Variants in MCHR2 observed in about 807,000 individuals in gnomAD.
MCHR2 encodes the protein melanin-concentrating hormone receptor 2.
Under a neutral mutation model 24.8 loss-of-function variants are expected in MCHR2, and 15 were observed. The observed-to-expected ratio is 0.60, with a 90% CI of 0.40 to 0.93. The LOEUF is 0.93. Ranked by LOEUF, MCHR2 falls within the 40% of genes least tolerant of loss-of-function variation. The probability of loss-of-function intolerance (pLI) is 0.00; values close to 1 mark genes in which losing one functional copy is unlikely to be tolerated. For missense variants in MCHR2, 386 were observed against 408.7 expected (o/e 0.94, Z 0.48); for synonymous variants, 151 against 147.6 (o/e 1.02, Z -0.17).
chr6:99,970,180 T>C (rs1382746614), intron 1 of MCHR2, among the ~76,000 whole-genome samples: 2 of 151,150 alleles, frequency 1.3e-5, no homozygotes. Flanking sequence ...CCACCAACAG[T>C]GTAAAAGTGT....
chr6:99,982,467 GAAAAAAAAAAAAAA>G (rs1196029682), intron 1 of MCHR2, among the ~76,000 whole-genome samples: 2 of 46,638 alleles, frequency 4.3e-5, no homozygotes, highest in African/African-American at 1.8e-4. Flanking sequence ...TGTCTGTACA[GAAAAAAAAAAAAAA>G]AAAAAAAAAA....
At chr6:99,937,782 G>A (rs1774693540) in intron 4 of MCHR2, among the ~76,000 whole-genome samples, 2 of 149,488 alleles carry the variant, frequency 1.3e-5, no homozygotes, top group South Asian at 4.2e-4. Context: ...AAGAGAATTG[G>A]TATTAATTAT....
intron 5 of MCHR2, among the ~76,000 whole-genome samples, chr6:99,928,377 T>A (rs191223836): frequency 2.2e-3 from 329 of 152,280 alleles, no homozygotes; most frequent in Non-Finnish European, 3.5e-3. Flanking sequence ...GGATTCCCTC[T>A]TTTTCTATTG....
chr6:99,965,016 C>G (rs1775267186), intron 1 of MCHR2, among the ~76,000 whole-genome samples: 1 of 152,058 alleles, frequency 6.6e-6, no homozygotes, highest in South Asian at 2.1e-4. Context: ...CTGCAAATGT[C>G]AGATTGTTGG....
At chr6:99,954,998 A>G (rs1319993596) in intron 2 of MCHR2, among the ~76,000 whole-genome samples, 1 of 152,170 alleles carries the variant, frequency 6.6e-6, no homozygotes, top group Non-Finnish European at 1.5e-5. Flanking sequence ...AGAAATCTGA[A>G]ATCTGAACCA....
At chr6:99,975,371 G>A (rs1413701227) in intron 1 of MCHR2, among the ~76,000 whole-genome samples, 2 of 152,214 alleles carry the variant, frequency 1.3e-5, no homozygotes, top group African/African-American at 2.4e-5. Flanking sequence ...GACCCTCTGA[G>A]CCAGGTGCAG....
At chr6:99,958,933 C>A (rs893398552) in intron 1 of MCHR2, among the ~76,000 whole-genome samples, 1 of 152,142 alleles carries the variant, frequency 6.6e-6, no homozygotes, top group Non-Finnish European at 1.5e-5. Flanking sequence ...ATTCTGGATA[C>A]CTGGGGGCTC....
At position 99,920,991 on chromosome 6, in the gene MCHR2, C is replaced by T. The variant is rs149913884; in HGVS notation, c.972G>A (p.Ala324=). ...QKRLPQIQRR[A]TEKEINNMGN... ...CCATATTGTTGATTTCCTTCTCAGTCGCTCTTCTTTGGATTTGAGGCAGAC... is the reference window on the plus strand; with the variant it reads ...CCATATTGTTGATTTCCTTCTCAGTTGCTCTTCTTTGGATTTGAGGCAGAC... Residue 324 remains alanine (A), a synonymous_variant, in exon 6 of 6, where the codon GCG becomes GCA. Coordinates refer to ENST00000281806, the MANE Select transcript of MCHR2 (RefSeq NM_001040179.2). 7.2e-5 allele frequency: 117 copies of T among 1,614,108 alleles called. 1 individual carries two copies. The East Asian group carries it at 2.0e-3, about 28-fold the overall frequency.
intron 1 of MCHR2, among the ~76,000 whole-genome samples, chr6:99,981,154 A>G (rs1018335508): frequency 6.6e-6 from 1 of 152,106 alleles, no homozygotes; most frequent in African/African-American, 2.4e-5. Context: ...TATTATTATT[A>G]TTGTTGTTAC....
chr6:99,992,201 C>T (rs975472567), intron 1 of MCHR2, among the ~76,000 whole-genome samples: 1 of 152,190 alleles, frequency 6.6e-6, no homozygotes, highest in Admixed American at 6.5e-5. Flanking sequence ...CTGTGACTGT[C>T]CCTTGCAGGG....
intron 1 of MCHR2, among the ~76,000 whole-genome samples, chr6:99,963,297 T>G (rs1775233313): frequency 6.6e-6 from 1 of 152,004 alleles, no homozygotes; most frequent in African/African-American, 2.4e-5. Flanking sequence ...GTAAAAAAAG[T>G]TTACACATAC....
At chr6:99,936,813 A>G (rs1401673379) in intron 4 of MCHR2, among the ~76,000 whole-genome samples, 1 of 151,928 alleles carries the variant, frequency 6.6e-6, no homozygotes, top group Non-Finnish European at 1.5e-5. Context: ...AATTCTTCCA[A>G]TTAATCAACA....
chr6:99,931,823 G>T (rs190287924), intron 5 of MCHR2, among the ~76,000 whole-genome samples: 1 of 152,132 alleles, frequency 6.6e-6, no homozygotes, highest in Non-Finnish European at 1.5e-5. Context: ...GCTTTGGTTC[G>T]CTCACGGTGC....
At chr6:99,934,613 C>A in intron 4 of MCHR2, 96 bp from the exon 5 acceptor site, 1 of 1,172,252 alleles carries the variant, frequency 8.5e-7, no homozygotes, top group Admixed American at 3.4e-5. Flanking sequence ...AGGCATAATT[C>A]TTTCATTTTT....
At chr6:99,991,484 A>G (rs989288803) in intron 1 of MCHR2, among the ~76,000 whole-genome samples, 4 of 152,140 alleles carry the variant, frequency 2.6e-5, no homozygotes, top group Admixed American at 2.6e-4. Flanking sequence ...AATACTCTCT[A>G]CATAGTTATC....
intron 1 of MCHR2, among the ~76,000 whole-genome samples, chr6:99,987,704 A>G (rs1023070083): frequency 2.0e-5 from 3 of 152,198 alleles, no homozygotes; most frequent in Non-Finnish European, 4.4e-5. Context: ...GCACACAGAA[A>G]AAGTAAGCAA....
chr6:99,966,135 G>A (rs1775292746), intron 1 of MCHR2, among the ~76,000 whole-genome samples: 1 of 152,106 alleles, frequency 6.6e-6, no homozygotes, highest in Non-Finnish European at 1.5e-5. Context: ...AGGAAGATGG[G>A]AGCTTCAAAG....
chr6:99,952,241 A>G (rs1302367406), intron 2 of MCHR2, among the ~76,000 whole-genome samples: 1 of 152,104 alleles, frequency 6.6e-6, no homozygotes, highest in East Asian at 1.9e-4. Flanking sequence ...TTAATGTACA[A>G]CAGACTAGTG....
chr6:99,928,550 C>T (rs1023771274), intron 5 of MCHR2, among the ~76,000 whole-genome samples: 2 of 152,090 alleles, frequency 1.3e-5, no homozygotes, highest in Non-Finnish European at 2.9e-5. Context: ...TCAACTTCTT[C>T]CTGGTTTAGT....
Sources: allele counts gnomAD v4.1 joint callset (sites outside exome capture counted in the v4.1 genomes callset), GRCh38; gene constraint gnomAD v4.1.1; transcripts MANE v1.5; gene names NCBI Gene and HGNC (gene_info 2026-07-23, HGNC 2026-07-21).